KDM5C: variants seen among roughly 807,000 people sequenced by gnomAD.
KDM5C encodes the protein lysine-specific demethylase 5C.
KDM5C carries 16 observed loss-of-function variants against 110.6 expected under a neutral mutation model. The ratio of observed to expected loss-of-function variants is 0.14; its 90% CI spans 0.10 to 0.22. KDM5C has a LOEUF of 0.22. Ranked by LOEUF, KDM5C falls within the 10% of genes least tolerant of loss-of-function variation. The pLI, the probability that KDM5C is intolerant of heterozygous loss-of-function variation, is 1.00. For missense variants in KDM5C, 681 were observed against 1,300.9 expected (o/e 0.52, Z 7.33); for synonymous variants, 511 against 520.4 (o/e 0.98, Z 0.24).
At chrX:53,186,793 C>T (rs1556828270), downstream of KDM5C, among the ~76,000 whole-genome samples, 1 of 112,436 alleles carries the variant, frequency 8.9e-6, no homozygotes, top group East Asian at 2.8e-4. Flanking sequence ...TGCCTGGTCA[C>T]ATAGCTGGTC....
In KDM5C at chrX:53,225,053, G is replaced by A. The variant is rs1327591333; in HGVS notation, c.-164C>T. The A allele has an allele frequency of 3.5e-6, 2 of 567,427 alleles. No homozygotes were observed. Among genetic ancestry groups the A allele is most frequent in the Non-Finnish European group, 5.4e-6 (2 of 371,990 alleles). 46.8% of individuals were successfully genotyped at this position (567,427 alleles called of 1,213,427 possible). On this transcript the variant is annotated 5_prime_UTR_variant, in exon 1 of 26. Transcript: ENST00000375401. ...AGGGGGCGTGTGGCCGTCGTGCTCT[G>A]AGAGTCTCAGGCTGACTCTACTGCT...
intron 1 of KDM5C, 47 bp from the exon 2 acceptor site, chrX:53,220,963 T>C (rs1463128966): frequency 7.4e-6 from 8 of 1,084,584 alleles, no homozygotes; most frequent in African/African-American, 1.8e-5. Context: ...CTCAGCATAG[T>C]GTAAGACCGG....
chrX:53,214,419 T>G, intron 8 of KDM5C: 2 of 341,896 alleles, frequency 5.8e-6, no homozygotes, highest in Non-Finnish European at 5.1e-6. Context: ...TATCTCAGAG[T>G]TTCTAACACA....
intron 2 of KDM5C, chrX:53,218,696 C>G (rs2073817326): frequency 2.5e-6 from 1 of 404,284 alleles, no homozygotes; most frequent in African/African-American, 2.5e-5. Context: ...CTGCCTCAGC[C>G]TCCTGAGTAG....
intron 25 of KDM5C, among the ~76,000 whole-genome samples, chrX:53,182,938 T>C (rs1482267032): frequency 1.8e-5 from 2 of 111,686 alleles, no homozygotes; most frequent in Non-Finnish European, 3.8e-5. Flanking sequence ...GAACATTAAC[T>C]CCTATGTTTT....
chrX:53,194,964 C>T lies in KDM5C; in HGVS notation c.3405G>A (p.Leu1135=), dbSNP rs781859397. The T allele has an allele frequency of 7.8e-5, 94 of 1,209,280 alleles. No homozygotes were observed. The highest frequency in any genetic ancestry group is 1.0e-4 in the Non-Finnish European group (91 of 894,890). The change falls in exon 22 of 26, where the codon CTG becomes CTA. Residue 1135 remains leucine (L), a synonymous_variant. Coordinates refer to ENST00000375401, the MANE Select transcript of KDM5C (RefSeq NM_004187.5). ...LYKSDTELLG[L]SAQDLRDPGS... is the part of the protein sequence containing the mutation. ...CTGGGTCCCTGAGGTCCTGCGCAGA[C>T]AGCCCCAGCAGCTCTGTGTCAGATT...
chrX:53,217,007 A>AGAG, intron 5 of KDM5C, 136 bp downstream of exon 5: 1 of 770,419 alleles, frequency 1.3e-6, no homozygotes, highest in Non-Finnish European at 1.9e-6. Context: ...GAAGCCAGAG[A>AGAG]GAGGCACACT....
chrX:53,192,511 G>T lies in KDM5C; in HGVS notation c.*456C>A. 1 of 326,953 alleles carries T rather than the reference G, an allele frequency of 3.1e-6. No homozygotes were observed. 26.9% of individuals were successfully genotyped at this position (326,953 alleles called of 1,213,427 possible). ...CCTGGGTGGAACAGTCAGGGGAAGG[G>T]AGAGGGAGAAGGGGGTAGGAAGGAA... On this transcript the variant is annotated 3_prime_UTR_variant, in exon 26 of 26. Coordinates refer to ENST00000375401, the MANE Select transcript of KDM5C (RefSeq NM_004187.5).
rs1934643092 is a variant in KDM5C at position 53,194,164 on chromosome X, T to A, written c.4013A>T (p.Glu1338Val). Reference protein sequence around the residue: ...PAAPASDPLREGSGKDMPKVQ... With the variant: ...PAAPASDPLRVGSGKDMPKVQ... The stretch of plus-strand genomic sequence containing the variant: ...CTTAGGCATATCCTTGCCACTGCCC[T>A]CTCTGAGGGGGTCAGAAGCAGGGGC... The change falls in exon 23 of 26, where the codon GAG becomes GTG. Residue 1338 changes from glutamate (E) to valine (V), a missense_variant. Around this residue, in one of 14 missense-constraint regions of KDM5C, gnomAD observed 88 missense variants for 85.6 expected, o/e 1.03. Transcript: ENST00000375401. 8.3e-7 allele frequency: 1 copy of A among 1,205,258 alleles called. No individual in the cohort carries two copies. The highest frequency in any genetic ancestry group is 3.0e-5 in the East Asian group (1 of 33,579).
chrX:53,185,522 C>A (rs1934192434), intron 25 of KDM5C, among the ~76,000 whole-genome samples: 2 of 111,982 alleles, frequency 1.8e-5, no homozygotes, highest in African/African-American at 3.3e-5. Flanking sequence ...TTAACTAGTA[C>A]ATGAATGAGT....
chrX:53,187,711 G>C (rs1556828539), downstream of KDM5C, among the ~76,000 whole-genome samples: 1 of 110,483 alleles, frequency 9.1e-6, no homozygotes, highest in African/African-American at 3.3e-5. Flanking sequence ...GAACAGTCTG[G>C]GCAATATAGT....
chrX:53,223,490 T>C (rs182934395), intron 1 of KDM5C, among the ~76,000 whole-genome samples: 1 of 111,611 alleles, frequency 9.0e-6, no homozygotes, highest in East Asian at 2.8e-4. Flanking sequence ...AGGAGGCCTG[T>C]GGTGCCCTCC....
rs781889539 is a variant in KDM5C, at chrX:53,193,939, T to TC, written c.4039-89dup. Reference sequence around the variant, plus strand: ...TCCGCCAACCCCAAACTTGAGACCCTCCGCCTTCTGGAGGAGGAGGGAAGA... The same window carrying TC: ...TCCGCCAACCCCAAACTTGAGACCCTCCCGCCTTCTGGAGGAGGAGGGAAGA... On this transcript the variant is annotated intron_variant, in intron 23 of 25. Transcript: ENST00000375401. 3.0e-6 allele frequency: 3 copies of TC among 998,609 alleles called. No homozygotes were observed. In the African/African-American group the frequency reaches 5.7e-5, roughly 19 times the overall value. 82.3% of individuals were successfully genotyped at this position (998,609 alleles called of 1,213,427 possible).
chrX:53,208,424 T>C (rs1470132745), intron 12 of KDM5C, among the ~76,000 whole-genome samples: 19 of 79,159 alleles, frequency 2.4e-4, no homozygotes, highest in Middle Eastern at 5.0e-3. Flanking sequence ...TACATATATA[T>C]ATATATATAT....
chrX:53,182,024 G>A (rs781892704), intron 25 of KDM5C, among the ~76,000 whole-genome samples: 13 of 110,886 alleles, frequency 1.2e-4, no homozygotes, highest in Admixed American at 5.7e-4. Flanking sequence ...CCCTGACCTC[G>A]TGATTAGCCC....
At chrX:53,189,443 G>A (rs1017549303), downstream of KDM5C, among the ~76,000 whole-genome samples, 2 of 112,553 alleles carry the variant, frequency 1.8e-5, no homozygotes, top group Non-Finnish European at 3.8e-5. Flanking sequence ...ACATGGAGCT[G>A]AGCACCCAGG....
Position 53,196,860 on chromosome X carries a change from C to T in KDM5C, c.2807G>A (p.Arg936His), listed in dbSNP as rs782229020. The change falls in exon 19 of 26, where the codon CGC (arginine) becomes CAC (histidine). Residue 936 changes from arginine (R) to histidine (H), a missense_variant. Around this residue, in one of 14 missense-constraint regions of KDM5C, gnomAD observed 123 missense variants for 169.0 expected, o/e 0.73. Transcript: ENST00000375401. ...EQARWLDEVK[R>H]TLAPSARRGT... ...CCTTCGGGCTGAGGGGGCCAGTGTG[C>T]GTTTCACCTCATCCAGCCATCGCGC... 8.3e-7 allele frequency: 1 copy of T among 1,206,137 alleles called. No individual in the cohort carries two copies. Among genetic ancestry groups the T allele is most frequent in the Non-Finnish European group, 1.1e-6 (1 of 892,367 alleles).
intron 5 of KDM5C, among the ~76,000 whole-genome samples, 161 bp downstream of exon 5, chrX:53,216,981 AG>A (rs2073760436): frequency 8.9e-6 from 1 of 112,003 alleles, no homozygotes; most frequent in Non-Finnish European, 1.9e-5. Flanking sequence ...CTGAGAGGGG[AG>A]AAAAAAGCAA....
chrX:53,177,254 G>A (rs942164908), intron 25 of KDM5C, among the ~76,000 whole-genome samples: 7 of 111,644 alleles, frequency 6.3e-5, no homozygotes, highest in Non-Finnish European at 1.1e-4. Flanking sequence ...GGTGGTGTAT[G>A]CCTGTAGGCC....
Sources: allele counts gnomAD v4.1 joint callset (sites outside exome capture counted in the v4.1 genomes callset), GRCh38; gene constraint gnomAD v4.1.1; regional missense constraint gnomAD v4.1.1; transcripts MANE v1.5; gene names NCBI Gene and HGNC (gene_info 2026-07-23, HGNC 2026-07-21).